AGTPBP1: variants seen among roughly 807,000 people sequenced by gnomAD.
AGTPBP1 encodes the protein cytosolic carboxypeptidase 1.
Under a neutral mutation model 143.9 loss-of-function variants are expected in AGTPBP1, and 70 were observed. The observed-to-expected ratio is 0.49, with a 90% CI of 0.40 to 0.59. AGTPBP1 has a LOEUF of 0.59. Among genes scored for constraint, AGTPBP1 ranks in the 20% least tolerant of loss-of-function variants. The pLI is 0.00. For synonymous variants in AGTPBP1, 463 were observed against 500.2 expected (o/e 0.93, Z 0.99); for missense variants, 1,229 against 1,464.5 (o/e 0.84, Z 2.62).
intron 11 of AGTPBP1, among the ~76,000 whole-genome samples, chr9:85,649,076 TATTA>T (rs547375863): frequency 1.5e-3 from 233 of 152,238 alleles, no homozygotes; most frequent in African/African-American, 5.5e-3. Flanking sequence ...TAATTAACAA[TATTA>T]ATTATTATAG....
chr9:85,554,294 G>A (rs1382388136), intron 25 of AGTPBP1: 1 of 152,254 alleles, frequency 6.6e-6, no homozygotes, highest in African/African-American at 2.4e-5. Context: ...GAGGTGCAGA[G>A]ATGTGACCTC....
chr9:85,595,063 A>G (rs1405770412), intron 18 of AGTPBP1, among the ~76,000 whole-genome samples: 3 of 152,218 alleles, frequency 2.0e-5, no homozygotes, highest in African/African-American at 7.2e-5. Flanking sequence ...TATGGTGCAG[A>G]TGAATTACAT....
rs529360474 is a variant in AGTPBP1, at chr9:85,599,689, T to C, written c.2336-3240A>G. Among the ~76,000 whole-genome samples, 3 of 152,378 alleles carry C rather than the reference T, an allele frequency of 2.0e-5. 1 individual carries two copies. The highest frequency in any genetic ancestry group is 7.2e-5 in the African/African-American group (3 of 41,590). The stretch of plus-strand genomic sequence containing the variant: ...GAAAGAGATCAGATAGCATATTTTC[T>C]GAATTACTGTTTTTGAGACAGACCT... On this transcript the variant is annotated intron_variant, in intron 17 of 25. Transcript: ENST00000357081.
rs1824014108 is a variant in AGTPBP1, at chr9:85,738,882, T to G, written c.-34+2893A>C. 1.3e-5 allele frequency among the ~76,000 whole-genome samples: 2 copies of G among 151,944 alleles called. 1 individual carries two copies. The highest frequency in any genetic ancestry group is 4.1e-4 in the South Asian group (2 of 4,828). On this transcript the variant is annotated intron_variant, in intron 1 of 25. Transcript: ENST00000357081. Reference sequence around the variant, plus strand: ...AAAAGTCCTTTTTCTGCTTACTAGATCCCTTTGAAGACTGAGGAAGAGCAA... The same window carrying G: ...AAAAGTCCTTTTTCTGCTTACTAGAGCCCTTTGAAGACTGAGGAAGAGCAA...
At chr9:85,578,548 T>G (rs1373048405) in intron 24 of AGTPBP1, among the ~76,000 whole-genome samples, 1 of 152,088 alleles carries the variant, frequency 6.6e-6, no homozygotes, top group African/African-American at 2.4e-5. Context: ...ATAATGTATT[T>G]TAAATGTAAA....
At chr9:85,743,926 C>CTTT (rs10576766), upstream of AGTPBP1, among the ~76,000 whole-genome samples, 3 of 132,446 alleles carry the variant, frequency 2.3e-5, no homozygotes, top group South Asian at 4.8e-4. Flanking sequence ...CTTTTTCTTT[C>CTTT]TTTTTTTTTT....
chr9:85,603,309 T>TG (rs1219967230), intron 17 of AGTPBP1, among the ~76,000 whole-genome samples: 1 of 152,168 alleles, frequency 6.6e-6, no homozygotes, highest in Non-Finnish European at 1.5e-5. Context: ...TCTTGTAACT[T>TG]GGATACCAAC....
chr9:85,731,903 C>G (rs1361489956), intron 1 of AGTPBP1, among the ~76,000 whole-genome samples: 2 of 152,106 alleles, frequency 1.3e-5, no homozygotes, highest in East Asian at 3.8e-4. Flanking sequence ...CAAAACCAAA[C>G]AAATCTGTAA....
chr9:85,717,150 C>T (rs890872954), intron 1 of AGTPBP1, among the ~76,000 whole-genome samples: 6 of 152,150 alleles, frequency 3.9e-5, no homozygotes, highest in African/African-American at 1.4e-4. Context: ...TTGCCCTTGC[C>T]GGAATCTACT....
At chr9:85,705,099 G>A (rs1435090251) in intron 2 of AGTPBP1, among the ~76,000 whole-genome samples, 1 of 151,598 alleles carries the variant, frequency 6.6e-6, no homozygotes. Flanking sequence ...TGAAGTTCCT[G>A]AAGGACAAGA....
At chr9:85,566,431 G>A (rs1478547550) in intron 25 of AGTPBP1, among the ~76,000 whole-genome samples, 1 of 150,600 alleles carries the variant, frequency 6.6e-6, no homozygotes, top group East Asian at 2.0e-4. Context: ...TTAGGAGGCC[G>A]AGATGGGAGG....
chr9:85,686,387 G>C (rs183843452), intron 3 of AGTPBP1, among the ~76,000 whole-genome samples: 21 of 151,990 alleles, frequency 1.4e-4, no homozygotes, highest in Admixed American at 1.2e-3. Flanking sequence ...ATTATAAAGG[G>C]GTAAATCATC....
intron 17 of AGTPBP1, 93 bp from the exon 18 acceptor site, chr9:85,596,542 G>T: frequency 1.3e-6 from 1 of 760,430 alleles, no homozygotes; most frequent in South Asian, 2.3e-5. Context: ...AAACATTCAG[G>T]AAAGCAGAAG....
At chr9:85,728,939 C>T (rs1472053856) in intron 1 of AGTPBP1, among the ~76,000 whole-genome samples, 1 of 152,028 alleles carries the variant, frequency 6.6e-6, no homozygotes, top group African/African-American at 2.4e-5. Flanking sequence ...CAGTTATTGC[C>T]ATCACTTTTA....
At chr9:85,664,899 C>T (rs1245517153) in intron 8 of AGTPBP1, among the ~76,000 whole-genome samples, 3 of 152,024 alleles carry the variant, frequency 2.0e-5, no homozygotes, top group East Asian at 3.8e-4. Context: ...AACTTTTATT[C>T]GAGACTACCA....
At chr9:85,768,029 C>G in the AGTPBP1 span, among the ~76,000 whole-genome samples, 1 of 152,116 alleles carries the variant, frequency 6.6e-6, no homozygotes, top group African/African-American at 2.4e-5. Flanking sequence ...TCTTGATAAC[C>G]TGTGGTTTGT....
intron 8 of AGTPBP1, among the ~76,000 whole-genome samples, chr9:85,666,082 C>T (rs975189484): frequency 1.3e-5 from 2 of 151,998 alleles, no homozygotes; most frequent in African/African-American, 4.8e-5. Context: ...ACAAAGAATA[C>T]TACAAGCAAC....
At chr9:85,770,871 C>T in the AGTPBP1 span, among the ~76,000 whole-genome samples, 2 of 151,982 alleles carry the variant, frequency 1.3e-5, no homozygotes, top group South Asian at 2.1e-4. Flanking sequence ...CCCTTTCCTT[C>T]ATTGCTGCAG....
chr9:85,766,089 C>CTG, the AGTPBP1 span, among the ~76,000 whole-genome samples: 2 of 150,794 alleles, frequency 1.3e-5, no homozygotes, highest in African/African-American at 4.9e-5. Context: ...TTCTGCCTGC[C>CTG]TGTGACTATT....
Sources: allele counts gnomAD v4.1 joint callset (sites outside exome capture counted in the v4.1 genomes callset), GRCh38; gene constraint gnomAD v4.1.1; transcripts MANE v1.5; gene names NCBI Gene and HGNC (gene_info 2026-07-23, HGNC 2026-07-21).